The following XKR9 variants were observed in gnomAD, a reference collection of about 807,000 sequenced individuals.
The protein encoded by XKR9 is XK-related protein 9.
In XKR9, 32 loss-of-function variants were observed where a neutral mutation model predicts 32.0. The observed-to-expected ratio is 1.00, with a 90% CI of 0.76 to 1.34. The LOEUF (loss-of-function observed/expected upper bound fraction) is 1.34. Among genes scored for constraint, XKR9 ranks in the 40% most tolerant of loss-of-function variants. The probability of loss-of-function intolerance (pLI) is 0.00; values close to 1 mark genes in which losing one functional copy is unlikely to be tolerated. For synonymous variants in XKR9, 168 were observed against 143.4 expected (o/e 1.17, Z -1.22); for missense variants, 546 against 429.7 (o/e 1.27, Z -2.39).
chr8:70,889,443 A>G, the XKR9 span, among the ~76,000 whole-genome samples: 2 of 151,718 alleles, frequency 1.3e-5, no homozygotes, highest in Non-Finnish European at 3.0e-5. Flanking sequence ...GTACATGTGT[A>G]GGTTTGTTAC....
the XKR9 span, among the ~76,000 whole-genome samples, chr8:71,016,789 A>G: frequency 6.6e-6 from 1 of 152,182 alleles, no homozygotes; most frequent in Non-Finnish European, 1.5e-5. Context: ...ATTTGAAGGA[A>G]AGGTTGAAGT....
intron 2 of XKR9, 101 bp from the exon 3 acceptor site, chr8:70,680,680 T>C (rs1299778696): frequency 1.3e-5 from 2 of 156,026 alleles, no homozygotes; most frequent in Non-Finnish European, 2.8e-5. Context: ...AGTGGCAATA[T>C]ATTATTTTTA....
chr8:70,695,928 G>A (rs1805256367), intron 3 of XKR9, among the ~76,000 whole-genome samples: 1 of 152,002 alleles, frequency 6.6e-6, no homozygotes, highest in African/African-American at 2.4e-5. Context: ...CTGATGGCCA[G>A]TGATGGTGAG....
chr8:70,895,906 G>A, the XKR9 span, among the ~76,000 whole-genome samples: 2 of 152,030 alleles, frequency 1.3e-5, no homozygotes, highest in African/African-American at 2.4e-5. Context: ...GGCGGGCGGT[G>A]TTGAGGCAAG....
At chr8:71,032,541 A>T in the XKR9 span, among the ~76,000 whole-genome samples, 4 of 152,126 alleles carry the variant, frequency 2.6e-5, no homozygotes, top group African/African-American at 9.7e-5. Context: ...GACATAATAC[A>T]CCATATAGTA....
At chr8:71,018,168 G>A in the XKR9 span, among the ~76,000 whole-genome samples, 1 of 152,096 alleles carries the variant, frequency 6.6e-6, no homozygotes, top group African/African-American at 2.4e-5. Context: ...AGACAGCATG[G>A]GAGTGGAAAA....
the XKR9 span, among the ~76,000 whole-genome samples, chr8:70,909,671 C>CA: frequency 7.0e-4 from 93 of 132,668 alleles, 3 homozygotes; most frequent in South Asian, 0.022. Context: ...ACAACAACAA[C>CA]AAAAAACAAA....
chr8:70,683,488 C>T (rs952000849), intron 3 of XKR9: 6 of 434,230 alleles, frequency 1.4e-5, no homozygotes, highest in African/African-American at 1.2e-4. Flanking sequence ...CCTAGAATTA[C>T]TTTTCTTTTT....
chr8:71,060,984 A>G, the XKR9 span, among the ~76,000 whole-genome samples: 1 of 152,218 alleles, frequency 6.6e-6, no homozygotes, highest in African/African-American at 2.4e-5. Flanking sequence ...TTGAGGGCGT[A>G]TGTACCAGGC....
chr8:71,024,608 G>A, the XKR9 span, among the ~76,000 whole-genome samples: 3 of 152,152 alleles, frequency 2.0e-5, no homozygotes, highest in African/African-American at 7.2e-5. Flanking sequence ...CAGACTCCAG[G>A]GAGCTCCTTA....
At chr8:70,794,256 G>A (rs1302679685), downstream of XKR9, among the ~76,000 whole-genome samples, 1 of 151,908 alleles carries the variant, frequency 6.6e-6, no homozygotes, top group Non-Finnish European at 1.5e-5. Flanking sequence ...GTTTTTATTA[G>A]TATTTTAGGA....
chr8:70,748,053 CTTTGTAAAA>C (rs1437501356), intron 2 of XKR9, among the ~76,000 whole-genome samples: 1 of 152,118 alleles, frequency 6.6e-6, no homozygotes, highest in Non-Finnish European at 1.5e-5. Flanking sequence ...GTTATTATAT[CTTTGTAAAA>C]TTACTTCCAC....
At chr8:70,911,186 G>C in the XKR9 span, among the ~76,000 whole-genome samples, 1 of 152,130 alleles carries the variant, frequency 6.6e-6, no homozygotes, top group Non-Finnish European at 1.5e-5. Context: ...TGGGAATCTT[G>C]GGTGACATTT....
rs1184238591 is a variant in XKR9, at chr8:70,735,824, T to A, written c.*1400T>A. On this transcript the variant is annotated 3_prime_UTR_variant, in exon 5 of 5. Coordinates refer to ENST00000408926, the MANE Select transcript of XKR9 (RefSeq NM_001011720.2). ...TTTTTTATGGCTGCATAGTATTCCA[T>A]GGTGTATATGTGCCACATTTTCTTA... 1 of 152,032 alleles carries A rather than the reference T, an allele frequency of 6.6e-6. No homozygotes were observed. Among genetic ancestry groups the A allele is most frequent in the African/African-American group, 2.4e-5 (1 of 41,378 alleles). 9.4% of individuals were successfully genotyped at this position (152,032 alleles called of 1,614,324 possible).
At chr8:71,016,976 T>TA in the XKR9 span, among the ~76,000 whole-genome samples, 1 of 152,214 alleles carries the variant, frequency 6.6e-6, no homozygotes, top group Non-Finnish European at 1.5e-5. Flanking sequence ...TGAACTCAGT[T>TA]ACTTCTTAGA....
chr8:70,834,898 T>C, the XKR9 span, among the ~76,000 whole-genome samples: 4 of 152,120 alleles, frequency 2.6e-5, no homozygotes, highest in African/African-American at 9.7e-5. Flanking sequence ...AGACTAACAT[T>C]GCACTCTGGA....
chr8:70,738,275 C>A (rs983504461), downstream of XKR9, among the ~76,000 whole-genome samples: 1 of 143,760 alleles, frequency 7.0e-6, no homozygotes, highest in Non-Finnish European at 1.6e-5. Flanking sequence ...TTATAGTATT[C>A]TCTGATGGTA....
chr8:70,919,695 T>G, the XKR9 span, among the ~76,000 whole-genome samples: 1 of 152,298 alleles, frequency 6.6e-6, no homozygotes, highest in Non-Finnish European at 1.5e-5. Flanking sequence ...TTTATGATTC[T>G]TTGATGACTG....
At chr8:70,775,884 A>T (rs1282625830) in intron 2 of XKR9, among the ~76,000 whole-genome samples, 1 of 151,960 alleles carries the variant, frequency 6.6e-6, no homozygotes, top group African/African-American at 2.4e-5. Context: ...AGCTGGGACC[A>T]CAAGTGTGTG....
Sources: allele counts gnomAD v4.1 joint callset (sites outside exome capture counted in the v4.1 genomes callset), GRCh38; gene constraint gnomAD v4.1.1; transcripts MANE v1.5; gene names NCBI Gene and HGNC (gene_info 2026-07-23, HGNC 2026-07-21).